FRMD3: variants seen among roughly 807,000 people sequenced by gnomAD.
FRMD3 encodes FERM domain-containing protein 3.
A neutral mutation model predicts 70.2 loss-of-function variants in FRMD3; 33 were observed. The observed-to-expected ratio is 0.47, with a 90% confidence interval of 0.36 to 0.63. The LOEUF is 0.63. FRMD3 is among the 20% of genes least tolerant of loss of function. The pLI is 0.00. For synonymous variants in FRMD3, 279 were observed against 255.9 expected (o/e 1.09, Z -0.86); for missense variants, 632 against 711.4 (o/e 0.89, Z 1.27).
intron 13 of FRMD3, among the ~76,000 whole-genome samples, chr9:83,252,532 T>C (rs1832477123): frequency 6.6e-6 from 1 of 152,034 alleles, no homozygotes; most frequent in Admixed American, 6.5e-5. Context: ...TAACCTTAAA[T>C]GTAAATGGGC....
chr9:83,559,324 CA>C, the FRMD3 span, among the ~76,000 whole-genome samples: 1 of 152,306 alleles, frequency 6.6e-6, no homozygotes, highest in East Asian at 1.9e-4. Context: ...TAATCATTAG[CA>C]TTTTTTAGCA....
intron 1 of FRMD3, among the ~76,000 whole-genome samples, chr9:83,398,627 G>A (rs890412290): frequency 6.6e-6 from 1 of 152,124 alleles, no homozygotes; most frequent in Non-Finnish European, 1.5e-5. Flanking sequence ...TGCACGTTGT[G>A]CACATGTACC....
intron 12 of FRMD3, among the ~76,000 whole-genome samples, chr9:83,293,534 GAC>G (rs1834531938): frequency 6.6e-6 from 1 of 152,148 alleles, no homozygotes; most frequent in South Asian, 2.1e-4. Context: ...CTCCCCATCA[GAC>G]CTCCTTCCAA....
intron 1 of FRMD3, among the ~76,000 whole-genome samples, chr9:83,492,262 C>G (rs181520311): frequency 6.6e-6 from 1 of 152,198 alleles, no homozygotes. Flanking sequence ...AACTACACCA[C>G]GAGGCCTGGC....
intron 13 of FRMD3, among the ~76,000 whole-genome samples, chr9:83,260,223 A>G (rs536548748): frequency 2.6e-5 from 4 of 152,324 alleles, no homozygotes; most frequent in Non-Finnish European, 2.9e-5. Context: ...GATACTTTAA[A>G]TATATGAGCA....
rs1357329351 is a variant in FRMD3 at position 83,479,671 on chromosome 9, G to GGAAGGAAGGAAGGAAA, written c.147+58413_147+58414insTTTCCTTCCTTCCTTC. On this transcript the variant is annotated intron_variant, in intron 1 of 13. Coordinates refer to ENST00000304195, the MANE Select transcript of FRMD3 (RefSeq NM_174938.6). ...AGGAAGGAAGGAAGGAAGGAAGGAA[G>GGAAGGAAGGAAGGAAA]GAAAGAAAGAAAGAAAGAAAGAAAG... 6.7e-5 allele frequency among the ~76,000 whole-genome samples: 2 copies of GGAAGGAAGGAAGGAAA among 29,992 alleles called. 1 individual carries two copies. Among genetic ancestry groups the GGAAGGAAGGAAGGAAA allele is most frequent in the Non-Finnish European group, 1.1e-4 (2 of 17,498 alleles). The allele number at this position is 29,992 out of a possible 152,430, so 19.7% of individuals were successfully genotyped here. A position where few individuals can be genotyped will look rare whatever the true frequency, so the allele number is the denominator to read the frequency against.
chr9:83,456,778 G>A (rs1421556110), intron 1 of FRMD3, among the ~76,000 whole-genome samples: 1 of 152,132 alleles, frequency 6.6e-6, no homozygotes. Context: ...TCAGAAGTTT[G>A]AGACCAACCT....
At chr9:83,254,507 T>C (rs1207571970) in intron 13 of FRMD3, among the ~76,000 whole-genome samples, 2 of 149,714 alleles carry the variant, frequency 1.3e-5, no homozygotes, top group African/African-American at 4.9e-5. Flanking sequence ...ACCCCAAAGC[T>C]AGCAGAAGAC....
intron 10 of FRMD3, among the ~76,000 whole-genome samples, chr9:83,305,519 CA>C (rs2131031628): frequency 6.6e-6 from 1 of 152,244 alleles, no homozygotes; most frequent in Admixed American, 6.5e-5. Context: ...CATTGACTTC[CA>C]AAGCTCACAC....
At chr9:83,447,127 G>A (rs992304568) in intron 1 of FRMD3, among the ~76,000 whole-genome samples, 2 of 152,114 alleles carry the variant, frequency 1.3e-5, no homozygotes, top group African/African-American at 2.4e-5. Context: ...TGGTTCAAGC[G>A]ATTCTCCTGC....
intron 8 of FRMD3, 27 bp from the exon 9 acceptor site, chr9:83,310,575 A>G (rs1835313697): frequency 6.4e-7 from 1 of 1,567,560 alleles, no homozygotes; most frequent in Non-Finnish European, 8.6e-7. Flanking sequence ...TCTGGGTAAG[A>G]AGAAAAAAAG....
Position 83,466,761 on chromosome 9 carries a change from G to A in FRMD3, c.147+71324C>T, listed in dbSNP as rs367889200. Among the ~76,000 whole-genome samples the A allele has an allele frequency of 3.9e-5, 6 of 152,272 alleles. No individual in the cohort carries two copies. In the South Asian group the frequency reaches 6.2e-4, roughly 16 times the overall value. ...ATTCCCTGTGAGCAGTTTAGAATTCGGCAATTCCAACATCTTTCTACCTTC... is the reference window on the plus strand; with the variant it reads ...ATTCCCTGTGAGCAGTTTAGAATTCAGCAATTCCAACATCTTTCTACCTTC... On this transcript the variant is annotated intron_variant, in intron 1 of 13. Coordinates refer to ENST00000304195, the MANE Select transcript of FRMD3 (RefSeq NM_174938.6).
intron 1 of FRMD3, among the ~76,000 whole-genome samples, chr9:83,493,662 T>A (rs1828878422): frequency 6.6e-6 from 1 of 152,224 alleles, no homozygotes; most frequent in African/African-American, 2.4e-5. Context: ...AAACGTGACT[T>A]GTGAGTTTCC....
rs777822333 is a variant in FRMD3 at position 83,311,986 on chromosome 9, AAAAAAAG to A, written c.685-18_685-12del. The A allele has an allele frequency of 1.5e-4, 234 of 1,569,260 alleles. No individual in the cohort carries two copies. The highest frequency in any genetic ancestry group is 1.9e-4 in the Non-Finnish European group (217 of 1,164,072). On this transcript the variant is annotated splice_polypyrimidine_tract_variant and intron_variant, in intron 7 of 13. Coordinates refer to ENST00000304195, the MANE Select transcript of FRMD3 (RefSeq NM_174938.6). ...TGTGCCTGTTGAATCCTGAAAAAAAAAAAAAAGAAAAAAGAAAAATCTGTTTAGATTG... is the reference window on the plus strand; with the variant it reads ...TGTGCCTGTTGAATCCTGAAAAAAAAAAAAAAGAAAAATCTGTTTAGATTG...
chr9:83,441,308 G>A (rs553972842), intron 1 of FRMD3, among the ~76,000 whole-genome samples: 24 of 152,302 alleles, frequency 1.6e-4, no homozygotes, highest in African/African-American at 3.8e-4. Context: ...GAATGCCTGA[G>A]AAGTCAGATT....
At chr9:83,518,060 A>T (rs972892786) in intron 1 of FRMD3, among the ~76,000 whole-genome samples, 13 of 152,266 alleles carry the variant, frequency 8.5e-5, no homozygotes, top group Non-Finnish European at 1.5e-4. Flanking sequence ...AGCTGGAAGC[A>T]TTCCCTTTGA....
chr9:83,440,867 G>A (rs1339120908), intron 1 of FRMD3, among the ~76,000 whole-genome samples: 2 of 152,154 alleles, frequency 1.3e-5, no homozygotes, highest in Non-Finnish European at 2.9e-5. Context: ...AGGAGGTGTG[G>A]GGGCCATTAG....
chr9:83,566,122 T>A, the FRMD3 span, among the ~76,000 whole-genome samples: 1 of 152,134 alleles, frequency 6.6e-6, no homozygotes, highest in Non-Finnish European at 1.5e-5. Flanking sequence ...GAAGTTTAAT[T>A]GGTCTTATAG....
Position 83,300,807 on chromosome 9 carries a change from C to T in FRMD3, c.927-1621G>A, listed in dbSNP as rs149158371. Among the ~76,000 whole-genome samples the T allele has an allele frequency of 3.9e-5, 6 of 152,192 alleles. No individual in the cohort carries two copies. In the East Asian group the frequency reaches 9.6e-4, roughly 24 times the overall value. ...TTCCTAATAAAGATAAGTGAATGTA[C>T]AGATGTACGAAGGAGAATAAGGCAA... On this transcript the variant is annotated intron_variant, in intron 10 of 13. Coordinates refer to ENST00000304195, the MANE Select transcript of FRMD3 (RefSeq NM_174938.6).
Sources: allele counts gnomAD v4.1 joint callset (sites outside exome capture counted in the v4.1 genomes callset), GRCh38; gene constraint gnomAD v4.1.1; transcripts MANE v1.5; gene names NCBI Gene and HGNC (gene_info 2026-07-23, HGNC 2026-07-21).